Variants in PPARGC1A observed in about 807,000 individuals in gnomAD.
PPARGC1A encodes peroxisome proliferator-activated receptor gamma coactivator 1-alpha.
PPARGC1A carries 25 observed loss-of-function variants against 88.7 expected under a neutral mutation model. That is an observed-to-expected ratio of 0.28 (90% CI 0.21 to 0.39). The LOEUF is 0.39. Ranked by LOEUF, PPARGC1A falls within the 10% of genes least tolerant of loss-of-function variation. The pLI is 1.00. For synonymous variants in PPARGC1A, 363 were observed against 355.6 expected (o/e 1.02, Z -0.24); for missense variants, 880 against 968.7 (o/e 0.91, Z 1.22).
At chr4:23,846,406 A>G (rs1410971446) in intron 2 of PPARGC1A, among the ~76,000 whole-genome samples, 1 of 152,214 alleles carries the variant, frequency 6.6e-6, no homozygotes, top group East Asian at 1.9e-4. Flanking sequence ...TTTCTATTAT[A>G]CCATGTTGCT....
chr4:24,022,051 G>A, the PPARGC1A span, among the ~76,000 whole-genome samples: 1 of 152,184 alleles, frequency 6.6e-6, no homozygotes, highest in African/African-American at 2.4e-5. Context: ...AGGGAAGACA[G>A]TGGTGTGAGA....
At chr4:23,876,007 G>C (rs1163645862) in intron 2 of PPARGC1A, 6 of 152,144 alleles carry the variant, frequency 3.9e-5, no homozygotes, top group African/African-American at 1.2e-4. Flanking sequence ...CAATGCTCAA[G>C]TTCCACGTGT....
the PPARGC1A span, among the ~76,000 whole-genome samples, chr4:23,925,319 C>T: frequency 1.3e-5 from 2 of 152,144 alleles, no homozygotes; most frequent in Non-Finnish European, 2.9e-5. Context: ...AAATTGTCTG[C>T]ACACCAATCC....
At position 23,876,544 on chromosome 4, in the gene PPARGC1A, G is replaced by C. The variant is rs141391284; in HGVS notation, c.234+8208C>G. Among the ~76,000 whole-genome samples the C allele has an allele frequency of 8.2e-3, 1,253 of 152,294 alleles. 7 individuals are homozygous for C. Among genetic ancestry groups the C allele is most frequent in the Non-Finnish European group, 0.014 (934 of 68,026 alleles). ...CTCACTCTCAACTCTGTGCTGAAGA[G>C]AGGGCTCTGATAAATCATGCTGATT... On this transcript the variant is annotated intron_variant, in intron 2 of 12. Transcript: ENST00000264867.
the PPARGC1A span, among the ~76,000 whole-genome samples, chr4:24,194,589 C>G: frequency 6.6e-6 from 1 of 151,572 alleles, no homozygotes; most frequent in South Asian, 2.1e-4. Flanking sequence ...GAACCAAGAT[C>G]AGACACCAGT....
At chr4:24,092,468 C>T in the PPARGC1A span, among the ~76,000 whole-genome samples, 10 of 152,098 alleles carry the variant, frequency 6.6e-5, no homozygotes, top group Admixed American at 1.3e-4. Flanking sequence ...TCTCCAGATG[C>T]ACCCAGGATT....
At chr4:24,318,615 G>A in the PPARGC1A span, among the ~76,000 whole-genome samples, 33 of 152,324 alleles carry the variant, frequency 2.2e-4, no homozygotes, top group African/African-American at 7.7e-4. Context: ...TAAACCATAT[G>A]CAGCATTTTT....
intron 2 of PPARGC1A, 33 bp from the exon 3 acceptor site, chr4:23,831,784 T>C: frequency 6.4e-7 from 1 of 1,559,916 alleles, no homozygotes; most frequent in Non-Finnish European, 8.8e-7. Context: ...AAGATGTGAG[T>C]TGACCCTGGG....
chr4:24,405,087 A>C, the PPARGC1A span, among the ~76,000 whole-genome samples: 3 of 152,232 alleles, frequency 2.0e-5, no homozygotes, highest in Non-Finnish European at 4.4e-5. Context: ...AAATAAAATA[A>C]GTTATTCAAA....
At chr4:24,226,762 G>A in the PPARGC1A span, among the ~76,000 whole-genome samples, 278 of 152,240 alleles carry the variant, frequency 1.8e-3, no homozygotes, top group African/African-American at 6.5e-3. Flanking sequence ...ATAATTAGTC[G>A]TTGCCTTCCA....
chr4:23,955,858 C>G, the PPARGC1A span, among the ~76,000 whole-genome samples: 1 of 152,170 alleles, frequency 6.6e-6, no homozygotes, highest in East Asian at 1.9e-4. Context: ...AGAACAAGAA[C>G]TGAAGTCTTC....
At chr4:23,975,038 A>G in the PPARGC1A span, among the ~76,000 whole-genome samples, 1 of 151,944 alleles carries the variant, frequency 6.6e-6, no homozygotes, top group African/African-American at 2.4e-5. Flanking sequence ...CTACGGGCGC[A>G]GCACAAAGGC....
At chr4:24,363,584 C>G in the PPARGC1A span, among the ~76,000 whole-genome samples, 2 of 152,292 alleles carry the variant, frequency 1.3e-5, no homozygotes, top group Middle Eastern at 3.4e-3. Flanking sequence ...CTCTTTGTCA[C>G]AGTTAAGCTT....
At chr4:23,839,400 T>TGCC (rs1171540157) in intron 2 of PPARGC1A, among the ~76,000 whole-genome samples, 1 of 152,154 alleles carries the variant, frequency 6.6e-6, no homozygotes, top group Non-Finnish European at 1.5e-5. Context: ...AACTGAGTTG[T>TGCC]GCCATCAAAC....
At chr4:24,241,755 A>T in the PPARGC1A span, among the ~76,000 whole-genome samples, 1 of 152,248 alleles carries the variant, frequency 6.6e-6, no homozygotes, top group African/African-American at 2.4e-5. Flanking sequence ...CCAAACATCC[A>T]GATGTTTCGG....
the PPARGC1A span, among the ~76,000 whole-genome samples, chr4:24,155,799 T>C: frequency 2.0e-5 from 3 of 152,070 alleles, no homozygotes; most frequent in Non-Finnish European, 4.4e-5. Flanking sequence ...TTTTCTGTGC[T>C]AAAACCAGGG....
chr4:24,287,729 A>G, the PPARGC1A span, among the ~76,000 whole-genome samples: 1 of 152,064 alleles, frequency 6.6e-6, no homozygotes. Context: ...ATACCAAGGA[A>G]GACAGCAGTA....
the PPARGC1A span, among the ~76,000 whole-genome samples, chr4:24,387,954 A>AAGAAAGAAAG: frequency 7.0e-6 from 1 of 142,332 alleles, no homozygotes; most frequent in Non-Finnish European, 1.5e-5. Context: ...GAAAGAAAGA[A>AAGAAAGAAAG]AGAAAGGGAG....
At chr4:24,455,086 C>T in the PPARGC1A span, among the ~76,000 whole-genome samples, 3 of 152,110 alleles carry the variant, frequency 2.0e-5, no homozygotes, top group Non-Finnish European at 4.4e-5. Flanking sequence ...TCTAAAAAAA[C>T]AAATAGGGCT....
Sources: allele counts gnomAD v4.1 joint callset (sites outside exome capture counted in the v4.1 genomes callset), GRCh38; gene constraint gnomAD v4.1.1; transcripts MANE v1.5; gene names NCBI Gene and HGNC (gene_info 2026-07-23, HGNC 2026-07-21).